KRT36: variants seen among roughly 807,000 people sequenced by gnomAD.
KRT36 encodes keratin 36.
A neutral mutation model predicts 43.0 loss-of-function variants in KRT36; 41 were observed. The observed-to-expected ratio is 0.95, with a 90% CI of 0.74 to 1.24. The LOEUF (loss-of-function observed/expected upper bound fraction) is 1.24. KRT36 is among the 50% of genes most tolerant of loss of function. The pLI, the probability that KRT36 is intolerant of heterozygous loss-of-function variation, is 0.00. For synonymous variants in KRT36, 277 were observed against 252.9 expected, an observed-to-expected ratio of 1.10 and a Z score of -0.90; for missense variants, 627 against 595.3, an observed-to-expected ratio of 1.05 and a Z score of -0.55.
rs748347652 is a variant in KRT36 at position 41,489,739 on chromosome 17, G to A, written c.126C>T (p.Leu42=). 19 of 1,613,956 alleles carry A rather than the reference G, an allele frequency of 1.2e-5. No homozygotes were observed. The highest frequency in any genetic ancestry group is 5.0e-5 in the Admixed American group (3 of 59,974). The change falls in exon 1 of 7, where the codon CTC becomes CTT. Residue 42 remains leucine, a synonymous_variant. Transcript: ENST00000328119. ...AAGAGATGTACCCTGCAGCACCGGC[G>A]AGACTGGGGACCCTGCAGGAGCCCA... The part of the protein sequence containing the change: ...RSVGSCRVPS[L]AGAAGYISSA...
intron 3 of KRT36, among the ~76,000 whole-genome samples, 173 bp from the exon 4 acceptor site, chr17:41,487,910 A>G (rs1904452060): frequency 6.6e-6 from 1 of 152,126 alleles, no homozygotes; most frequent in Admixed American, 6.5e-5. Context: ...ACCTCCTTCT[A>G]TGGGATATTT....
Position 41,489,622 on chromosome 17 carries a change from C to G in KRT36, c.243G>C (p.Gly81=), listed in dbSNP as rs758428071. 6.2e-7 allele frequency: 1 copy of G among 1,614,160 alleles called. No homozygotes were observed. The highest frequency in any genetic ancestry group is 2.2e-5 in the East Asian group (1 of 44,880). The change falls in exon 1 of 7, where the codon GGG becomes GGC. Residue 81 remains glycine (G), a synonymous_variant. Transcript: ENST00000328119. The part of the protein sequence containing the change: ...ECHTSGFVGS[G]GWFCEGSFNG... ...TGAAGGAGCCCTCGCAGAACCAGCC[C>G]CCGCTCCCCACAAAGCCAGAGGTGT...
chr17:41,487,309 T>C, intron 5 of KRT36, 42 bp downstream of exon 5: 1 of 1,598,354 alleles, frequency 6.3e-7, no homozygotes, highest in Non-Finnish European at 8.5e-7. Flanking sequence ...GTCGGGGACC[T>C]GCCACAGGCC....
Position 41,489,611 on chromosome 17 carries a change from C to T in KRT36, c.254G>A (p.Cys85Tyr). Reference protein sequence around the residue: ...SGFVGSGGWFCEGSFNGSEKE... With the variant: ...SGFVGSGGWFYEGSFNGSEKE... ...CTCGCTGCCGTTGAAGGAGCCCTCG[C>T]AGAACCAGCCCCCGCTCCCCACAAA... The change falls in exon 1 of 7, where the codon TGC becomes TAC. Residue 85 changes from cysteine (C) to tyrosine (Y), a missense_variant. Transcript: ENST00000328119. 1 of 1,614,184 alleles carries T rather than the reference C, an allele frequency of 6.2e-7. No homozygotes were observed. The highest frequency in any genetic ancestry group is 1.1e-5 in the South Asian group (1 of 91,082).
rs772742694 is a variant in KRT36 at position 41,487,333 on chromosome 17, C to T, written c.987+18G>A. 1 of 1,607,612 alleles carries T rather than the reference C, an allele frequency of 6.2e-7. No homozygotes were observed. Among genetic ancestry groups the T allele is most frequent in the South Asian group, 1.1e-5 (1 of 90,596 alleles). ...CTGCCACAGGCCGTGGCCAGCGACGCAGGCAGGGGCCACTCACCATGCTGT... is the reference window on the plus strand; with the variant it reads ...CTGCCACAGGCCGTGGCCAGCGACGTAGGCAGGGGCCACTCACCATGCTGT... On this transcript the variant is annotated intron_variant, in intron 5 of 6. Coordinates refer to ENST00000328119, the MANE Select transcript of KRT36 (RefSeq NM_003771.5).
intron 3 of KRT36, 39 bp downstream of exon 3, chr17:41,488,204 G>T: frequency 1.9e-6 from 3 of 1,599,512 alleles, no homozygotes; most frequent in Non-Finnish European, 2.6e-6. Context: ...TCCTAAGCTG[G>T]ATGGGAAACA....
At position 41,487,079 on chromosome 17, in the gene KRT36, G is replaced by A; in HGVS notation, c.1079C>T (p.Ala360Val). The change falls in exon 6 of 7, where the codon GCC (alanine) becomes GTC (valine). Residue 360 changes from alanine to valine, a missense_variant. By Grantham distance (64) the Ala-to-Val change is moderately conservative. Transcript: ENST00000328119. ...GTCGCAGCGGATCTCAGACAGCTGG[G>A]CCTCCACGTTGCTGATCAGGCACTG... ...QMQCLISNVE[A>V]QLSEIRCDLE... is the part of the protein sequence containing the mutation. 6.2e-7 allele frequency: 1 copy of A among 1,614,240 alleles called. No individual in the cohort carries two copies.
chr17:41,488,373 T>G lies in KRT36; in HGVS notation c.569A>C (p.Gln190Pro). 1 of 1,614,176 alleles carries G rather than the reference T, an allele frequency of 6.2e-7. No individual in the cohort carries two copies. The highest frequency in any genetic ancestry group is 2.2e-5 in the East Asian group (1 of 44,880). The change falls in exon 3 of 7, where the codon CAG becomes CCG. Residue 190 changes from glutamine to proline, a missense_variant. Physicochemically the swap from Gln to Pro is moderately conservative, Grantham distance 76. Transcript: ENST00000328119. ...GCCGTTGATGTCGGCCTCCACTAGCTGCCGCAGAGACAGCTCTGTCTCATA... is the reference window on the plus strand; with the variant it reads ...GCCGTTGATGTCGGCCTCCACTAGCGGCCGCAGAGACAGCTCTGTCTCATA... ...TKYETELSLR[Q>P]LVEADINGLR...
At position 41,488,735 on chromosome 17, in the gene KRT36, A is replaced by G; in HGVS notation, c.460-11T>C. On this transcript the variant is annotated splice_polypyrimidine_tract_variant and intron_variant, in intron 1 of 6. Transcript: ENST00000328119. ...CTTAGTCAGCAGGATCTGGGGAACA[A>G]GAGGCTTCCCATAAGCTACAGGAGG... 1 of 1,613,138 alleles carries G rather than the reference A, an allele frequency of 6.2e-7. No individual in the cohort carries two copies. Among genetic ancestry groups the G allele is most frequent in the Non-Finnish European group, 8.5e-7 (1 of 1,179,236 alleles).
At position 41,488,723 on chromosome 17, in the gene KRT36, A is replaced by C; in HGVS notation, c.461T>G (p.Ile154Ser). 6.2e-7 allele frequency: 1 copy of C among 1,614,026 alleles called. No individual in the cohort carries two copies. The highest frequency in any genetic ancestry group is 8.5e-7 in the Non-Finnish European group (1 of 1,179,950). Reference protein sequence around the residue: ...FKTIEDFQQKILLTKSENARL... With the variant: ...FKTIEDFQQKSLLTKSENARL... ...GGCATTCTCAGACTTAGTCAGCAGG[A>C]TCTGGGGAACAAGAGGCTTCCCATA... The change falls in exon 2 of 7, where the codon ATC becomes AGC. Residue 154 changes from isoleucine (I) to serine (S), a missense_variant and splice_region_variant. Transcript: ENST00000328119.
intron 6 of KRT36, 134 bp downstream of exon 6, chr17:41,486,815 TG>T: frequency 2.4e-6 from 2 of 827,972 alleles, no homozygotes; most frequent in Non-Finnish European, 3.7e-6. Flanking sequence ...TACCAAAGCC[TG>T]GGACTAAATG....
At position 41,488,405 on chromosome 17, in the gene KRT36, C is replaced by T. The variant is rs771908256; in HGVS notation, c.543-6G>A. On this transcript the variant is annotated splice_region_variant and splice_polypyrimidine_tract_variant and intron_variant, in intron 2 of 6. Coordinates refer to ENST00000328119, the MANE Select transcript of KRT36 (RefSeq NM_003771.5). ...GAGACAGCTCTGTCTCATACCTGCA[C>T]ACACAGAACCCTGCCAAGTCTGCAG... 1 of 1,612,566 alleles carries T rather than the reference C, an allele frequency of 6.2e-7. No individual in the cohort carries two copies. The highest frequency in any genetic ancestry group is 1.3e-5 in the African/African-American group (1 of 75,016).
intron 6 of KRT36, 50 bp from the exon 7 acceptor site, chr17:41,486,621 T>C: frequency 7.2e-7 from 1 of 1,390,990 alleles, no homozygotes; most frequent in Non-Finnish European, 9.7e-7. Context: ...AGCACTGGGC[T>C]GAGATTCGTG....
Position 41,487,384 on chromosome 17 carries a change from C to G in KRT36, c.954G>C (p.Ala318=), listed in dbSNP as rs8073246. 6,379 of 1,612,792 alleles carry G rather than the reference C, an allele frequency of 4.0e-3. 213 individuals carry two copies. In the African/African-American group the frequency reaches 0.077, roughly 19 times the overall value. Residue 318 remains alanine (A), a synonymous_variant, in exon 5 of 7, where the codon GCG becomes GCC. Transcript: ENST00000328119. ...GCTGAGCCTGCAGCTCAATCTCTAG[C>G]GCGTTGACCGTACGTCTCAGCTCGA... ...EIIELRRTVN[A]LEIELQAQHS... is the part of the protein sequence containing the mutation.
rs1904475780 is a variant in KRT36, at chr17:41,488,687, A to G, written c.497T>C (p.Leu166Pro). 1.2e-6 allele frequency: 2 copies of G among 1,614,184 alleles called. No individual in the cohort carries two copies. Among genetic ancestry groups the G allele is most frequent in the Non-Finnish European group, 1.7e-6 (2 of 1,180,038 alleles). The change falls in exon 2 of 7, where the codon CTG (leucine) becomes CCG (proline). Residue 166 changes from leucine to proline, a missense_variant. Transcript: ENST00000328119. ...AGCCAGCTTGGCATTATCAATCTGC[A>G]GGACCAGCCTGGCATTCTCAGACTT... Reference protein sequence around the residue: ...LTKSENARLVLQIDNAKLAAD... With the variant: ...LTKSENARLVPQIDNAKLAAD...
Position 41,488,302 on chromosome 17 carries a change from C to A in KRT36, c.640G>T (p.Glu214Ter). ...DELTLCKADL[E>*]AQVESLKEEL... ...TCCTTCAGGGACTCCACCTGAGCCT[C>A]CAGGTCAGCCTTGCACAGGGTCAGC... The change falls in exon 3 of 7, where the codon GAG (glutamate) becomes TAG (stop). Residue 214 changes from glutamate (E) to a stop codon, truncating the protein, a stop_gained. Transcript: ENST00000328119. LOFTEE classifies it high-confidence loss of function. The A allele has an allele frequency of 6.2e-7, 1 of 1,614,168 alleles. No individual in the cohort carries two copies. The highest frequency in any genetic ancestry group is 2.2e-5 in the East Asian group (1 of 44,884).
At position 41,488,687 on chromosome 17, in the gene KRT36, A is replaced by C; in HGVS notation, c.497T>G (p.Leu166Arg). The C allele has an allele frequency of 2.5e-6, 4 of 1,614,184 alleles. No homozygotes were observed. Among genetic ancestry groups the C allele is most frequent in the Non-Finnish European group, 2.5e-6 (3 of 1,180,038 alleles). The change falls in exon 2 of 7, where the codon CTG (leucine) becomes CGG (arginine). Residue 166 changes from leucine to arginine, a missense_variant. Leu to Arg is a moderately radical substitution (Grantham distance 102). Transcript: ENST00000328119. ...LTKSENARLV[L>R]QIDNAKLAAD... ...AGCCAGCTTGGCATTATCAATCTGC[A>C]GGACCAGCCTGGCATTCTCAGACTT...
chr17:41,489,910 T>C lies in KRT36; in HGVS notation c.-46A>G. 1 of 1,495,310 alleles carries C rather than the reference T, an allele frequency of 6.7e-7. No homozygotes were observed. The highest frequency in any genetic ancestry group is 9.2e-7 in the Non-Finnish European group (1 of 1,083,646). The allele number at this position is 1,495,310 out of a possible 1,614,324, so 92.6% of individuals were successfully genotyped here. The stretch of plus-strand genomic sequence containing the variant: ...GCAGCTTAGCAAGGAGCTCAGGTTC[T>C]GGACTCTCAAGGCCTCTATGGAGCA... On this transcript the variant is annotated 5_prime_UTR_variant, in exon 1 of 7. Coordinates refer to ENST00000328119, the MANE Select transcript of KRT36 (RefSeq NM_003771.5).
At chr17:41,488,431 C>G (rs1483536186) in intron 2 of KRT36, 32 bp from the exon 3 acceptor site, 1 of 1,606,296 alleles carries the variant, frequency 6.2e-7, no homozygotes, top group East Asian at 2.2e-5. Flanking sequence ...AAGTCTGCAG[C>G]AAAGGAAACC....
Sources: gnomAD v4.1 joint callset for allele counts (sites outside exome capture counted in the v4.1 genomes callset) on GRCh38, gnomAD v4.1.1 for gene constraint, MANE v1.5 for transcripts, NCBI Gene and HGNC (gene_info 2026-07-23, HGNC 2026-07-21) for gene names.